FIG4: variants seen among roughly 807,000 people sequenced by gnomAD.
FIG4 encodes the protein FIG4 phosphoinositide 5-phosphatase.
In FIG4, 112 loss-of-function variants were observed where a neutral mutation model predicts 118.6. The observed-to-expected ratio is 0.94, with a 90% CI of 0.81 to 1.11. The LOEUF is 1.11. Among genes scored for constraint, FIG4 ranks in the 50% least tolerant of loss-of-function variants. The probability of loss-of-function intolerance (pLI) is 0.00; values close to 1 mark genes in which losing one functional copy is unlikely to be tolerated. For missense variants in FIG4, 969 were observed against 1,111.7 expected, an observed-to-expected ratio of 0.87 and a Z score of 1.83; for synonymous variants, 369 against 381.2, an observed-to-expected ratio of 0.97 and a Z score of 0.37.
intron 15 of FIG4, among the ~76,000 whole-genome samples, chr6:109,773,237 G>A (rs552595612): frequency 6.6e-6 from 1 of 152,166 alleles, no homozygotes; most frequent in Non-Finnish European, 1.5e-5. Flanking sequence ...AGATGATTTA[G>A]GATTTTTCTA....
At chr6:109,791,842 C>A (rs1256009631) in intron 20 of FIG4, among the ~76,000 whole-genome samples, 3 of 152,188 alleles carry the variant, frequency 2.0e-5, no homozygotes, top group Non-Finnish European at 4.4e-5. Context: ...ATCAGCCCAT[C>A]CGCTTGAGGT....
intron 1 of FIG4, among the ~76,000 whole-genome samples, chr6:109,706,395 T>C (rs1775066577): frequency 6.6e-6 from 1 of 152,194 alleles, no homozygotes; most frequent in Non-Finnish European, 1.5e-5. Context: ...ATAAGTCAAA[T>C]GCCCTTCCTG....
intron 3 of FIG4, among the ~76,000 whole-genome samples, chr6:109,726,023 C>T (rs1448168199): frequency 6.6e-6 from 1 of 152,130 alleles, no homozygotes; most frequent in Non-Finnish European, 1.5e-5. Flanking sequence ...GGATAGATTG[C>T]AACAATCTTC....
chr6:109,731,466 A>G (rs896395260), intron 4 of FIG4, among the ~76,000 whole-genome samples: 1 of 152,188 alleles, frequency 6.6e-6, no homozygotes, highest in African/African-American at 2.4e-5. Flanking sequence ...ATGGATAAAT[A>G]AAGTGTGTCA....
chr6:109,789,535 G>A (rs1778078474), intron 18 of FIG4, 59 bp from the exon 19 acceptor site: 8 of 1,198,162 alleles, frequency 6.7e-6, no homozygotes, highest in African/African-American at 3.0e-5. Context: ...TGAGATGGAA[G>A]CCAATATCAT....
chr6:109,791,890 G>A (rs1221881101), intron 20 of FIG4, among the ~76,000 whole-genome samples: 1 of 152,150 alleles, frequency 6.6e-6, no homozygotes, highest in Admixed American at 6.5e-5. Context: ...TTGGATCACA[G>A]GATTTAGACG....
chr6:109,706,707 T>C (rs1018711890), intron 1 of FIG4, among the ~76,000 whole-genome samples: 1 of 152,230 alleles, frequency 6.6e-6, no homozygotes, highest in East Asian at 1.9e-4. Context: ...CTGTGGTCAC[T>C]GTGTTAGGTG....
At chr6:109,763,786 T>C in intron 12 of FIG4, 151 bp from the exon 13 acceptor site, 1 of 660,200 alleles carries the variant, frequency 1.5e-6, no homozygotes. Context: ...TTCACTTACC[T>C]GAAAGAATGA....
At chr6:109,808,049 C>A (rs1778615292) in intron 22 of FIG4, among the ~76,000 whole-genome samples, 1 of 152,070 alleles carries the variant, frequency 6.6e-6, no homozygotes, top group Non-Finnish European at 1.5e-5. Flanking sequence ...GAGCCAGGCA[C>A]CTGGAATTTA....
At position 109,715,147 on chromosome 6, in the gene FIG4, C is replaced by T. The variant is rs1260601343; in HGVS notation, c.136C>T (p.Pro46Ser). 5 of 1,605,852 alleles carry T rather than the reference C, an allele frequency of 3.1e-6. No homozygotes were observed. In the African/African-American group the frequency reaches 6.7e-5, roughly 21 times the overall value. The change falls in exon 2 of 23, where the codon CCA becomes TCA. Residue 46 changes from proline (P) to serine (S), a missense_variant. Coordinates refer to ENST00000230124, the MANE Select transcript of FIG4 (RefSeq NM_014845.6). ...TGTCTTGAAGATTGATAGAACAGAACCAAAAGATTTGGTCATAATTGATGA... is the reference window on the plus strand; with the variant it reads ...TGTCTTGAAGATTGATAGAACAGAATCAAAAGATTTGGTCATAATTGATGA... ...YRVLKIDRTE[P>S]KDLVIIDDRH... is the part of the protein sequence containing the mutation.
In FIG4 at chr6:109,776,939, T is replaced by G. The variant is rs769763129; in HGVS notation, c.1768T>G (p.Ser590Ala). 1.2e-6 allele frequency: 2 copies of G among 1,613,350 alleles called. No homozygotes were observed. The highest frequency in any genetic ancestry group is 1.3e-5 in the African/African-American group (1 of 74,910). The stretch of plus-strand genomic sequence containing the variant: ...CTTTTTAGATGCCGATAGACAAGAT[T>G]CCATTAATCTCTTCCTGGGAGTTTT... ...NAFSDADRQDSINLFLGVFHP... is the reference protein window; with the variant it reads ...NAFSDADRQDAINLFLGVFHP... Residue 590 changes from serine (S) to alanine (A), a missense_variant, in exon 16 of 23, where the codon TCC becomes GCC. By Grantham distance (99) the Ser-to-Ala change is moderately conservative. Transcript: ENST00000230124.
chr6:109,784,464 C>G (rs903652688), intron 16 of FIG4, among the ~76,000 whole-genome samples: 1 of 152,184 alleles, frequency 6.6e-6, no homozygotes, highest in African/African-American at 2.4e-5. Flanking sequence ...CTAATTCGTT[C>G]CTTAATGATT....
chr6:109,721,803 G>A (rs1230761330), intron 3 of FIG4, among the ~76,000 whole-genome samples: 1 of 152,106 alleles, frequency 6.6e-6, no homozygotes, highest in African/African-American at 2.4e-5. Flanking sequence ...ATATACTGAA[G>A]CCATTTGTGC....
intron 22 of FIG4, among the ~76,000 whole-genome samples, chr6:109,811,643 G>T (rs952774639): frequency 1.3e-5 from 2 of 152,172 alleles, no homozygotes; most frequent in Non-Finnish European, 2.9e-5. Flanking sequence ...TTTAGAGTGG[G>T]CAGACTAGTA....
chr6:109,762,336 G>A (rs1430161468), intron 12 of FIG4, 129 bp downstream of exon 12: 2 of 688,246 alleles, frequency 2.9e-6, no homozygotes, highest in African/African-American at 3.5e-5. Flanking sequence ...CTGCTCACAT[G>A]ACTGAGTGCT....
intron 10 of FIG4, among the ~76,000 whole-genome samples, chr6:109,753,847 A>G (rs1200050769): frequency 6.6e-6 from 1 of 152,192 alleles, no homozygotes; most frequent in Non-Finnish European, 1.5e-5. Context: ...GAGCTGAGAC[A>G]ATAGGGTTTT....
At chr6:109,813,775 A>G (rs1778785251) in intron 22 of FIG4, among the ~76,000 whole-genome samples, 1 of 152,178 alleles carries the variant, frequency 6.6e-6, no homozygotes, top group Non-Finnish European at 1.5e-5. Context: ...TGCTCCAGGA[A>G]ACTAGCTTCC....
At chr6:109,796,930 A>G (rs1485432975) in intron 22 of FIG4, 79 bp downstream of exon 22, 7 of 880,222 alleles carry the variant, frequency 8.0e-6, no homozygotes, top group South Asian at 1.3e-5. Flanking sequence ...CTTTTTAAGA[A>G]AAAGATTCAC....
Position 109,762,212 on chromosome 6 carries a change from G to A in FIG4, c.1388+5G>A, listed in dbSNP as rs200730266. The A allele has an allele frequency of 3.3e-6, 5 of 1,516,520 alleles. No homozygotes were observed. Among genetic ancestry groups the A allele is most frequent in the African/African-American group, 2.7e-5 (2 of 73,016 alleles). 93.9% of individuals were successfully genotyped at this position (1,516,520 alleles called of 1,614,324 possible). A position where few individuals can be genotyped will look rare whatever the true frequency, so the allele number is the denominator to read the frequency against. ...CATTTTGCGGCCAGATGAAAAGTAT[G>A]TATGGTATTTTAAAACTTATAATAA... is the stretch of plus-strand genomic sequence containing the variant. On this transcript the variant is annotated splice_donor_5th_base_variant and intron_variant, in intron 12 of 22. Coordinates refer to ENST00000230124, the MANE Select transcript of FIG4 (RefSeq NM_014845.6).
Sources: gnomAD v4.1 joint callset for allele counts (sites outside exome capture counted in the v4.1 genomes callset) on GRCh38, gnomAD v4.1.1 for gene constraint, MANE v1.5 for transcripts, NCBI Gene and HGNC (gene_info 2026-07-23, HGNC 2026-07-21) for gene names.